The following CCDC39 variants were observed in gnomAD, a reference collection of about 807,000 sequenced individuals.
CCDC39 encodes coiled-coil domain-containing protein 39.
Under a neutral mutation model 121.0 loss-of-function variants are expected in CCDC39, and 113 were observed. The observed-to-expected ratio is 0.93, with a 90% CI of 0.80 to 1.09. The LOEUF is 1.09. CCDC39 is among the 50% of genes least tolerant of loss of function. CCDC39 has a pLI of 0.00. For synonymous variants in CCDC39, 349 were observed against 352.2 expected, an observed-to-expected ratio of 0.99 and a Z score of 0.10; for missense variants, 1,063 against 1,074.7, an observed-to-expected ratio of 0.99 and a Z score of 0.15.
intron 4 of CCDC39, 47 bp downstream of exon 4, chr3:180,660,523 C>T (rs1711715902): frequency 6.8e-7 from 1 of 1,481,388 alleles, no homozygotes; most frequent in Admixed American, 2.1e-5. Flanking sequence ...GGTTGACATA[C>T]TACAGAGTTA....
At chr3:180,676,276 A>G (rs565057154) in intron 1 of CCDC39, among the ~76,000 whole-genome samples, 100 of 152,358 alleles carry the variant, frequency 6.6e-4, no homozygotes, top group African/African-American at 2.4e-3. Context: ...AGAATCTACA[A>G]AGAACTCAAA....
intron 6 of CCDC39, among the ~76,000 whole-genome samples, chr3:180,658,324 G>A (rs980760480): frequency 2.6e-5 from 4 of 151,308 alleles, no homozygotes; most frequent in African/African-American, 9.7e-5. Context: ...TGCCAGGCGC[G>A]GTGGCTCATG....
chr3:180,677,819 T>G (rs944389246), intron 1 of CCDC39, among the ~76,000 whole-genome samples: 2 of 152,156 alleles, frequency 1.3e-5, no homozygotes, highest in Non-Finnish European at 2.9e-5. Context: ...CAGTGGACAC[T>G]TTGGAGAGGA....
chr3:180,649,047 T>C (rs1718139590), intron 9 of CCDC39, among the ~76,000 whole-genome samples: 2 of 152,202 alleles, frequency 1.3e-5, no homozygotes, highest in Admixed American at 6.5e-5. Flanking sequence ...ACTTTTTTTG[T>C]AAACGCTATT....
intron 13 of CCDC39, among the ~76,000 whole-genome samples, chr3:180,640,794 C>T (rs892163473): frequency 2.0e-5 from 3 of 151,898 alleles, no homozygotes; most frequent in African/African-American, 4.8e-5. Context: ...AAATGTTCCC[C>T]CATAGAAAAC....
At chr3:180,640,891 G>A (rs1256437018) in intron 13 of CCDC39, among the ~76,000 whole-genome samples, 2 of 151,916 alleles carry the variant, frequency 1.3e-5, no homozygotes, top group Non-Finnish European at 2.9e-5. Flanking sequence ...CATATTCAAT[G>A]TATAGAAAAA....
chr3:180,654,697 C>G, intron 7 of CCDC39, 65 bp downstream of exon 7: 17 of 968,424 alleles, frequency 1.8e-5, no homozygotes, highest in Non-Finnish European at 2.3e-5. Flanking sequence ...AAGCTTTATG[C>G]TTATTTTATA....
chr3:180,671,722 G>C (rs1040895259), intron 1 of CCDC39, among the ~76,000 whole-genome samples: 1 of 152,090 alleles, frequency 6.6e-6, no homozygotes, highest in Non-Finnish European at 1.5e-5. Context: ...CACCATTCCT[G>C]TAAGCCAAAG....
rs534383971 is a variant in CCDC39, at chr3:180,651,635, G to C, written c.1035-102C>G. Reference sequence around the variant, plus strand: ...AATATTTATTTGTATAACTTGAAGGGGTTTTTTGCGTAAACCTTTTTATTA... The same window carrying C: ...AATATTTATTTGTATAACTTGAAGGCGTTTTTTGCGTAAACCTTTTTATTA... On this transcript the variant is annotated intron_variant, in intron 8 of 19. Coordinates refer to ENST00000476379, the MANE Select transcript of CCDC39 (RefSeq NM_181426.2). 100 of 1,122,576 alleles carry C rather than the reference G, an allele frequency of 8.9e-5. No individual in the cohort carries two copies. The African/African-American group carries it at 1.4e-3, about 16-fold the overall frequency. The allele number at this position is 1,122,576 out of a possible 1,614,324, so 69.5% of individuals were successfully genotyped here. A position where few individuals can be genotyped will look rare whatever the true frequency, so the allele number is the denominator to read the frequency against.
chr3:180,659,191 C>A (rs994995534), intron 6 of CCDC39, among the ~76,000 whole-genome samples: 1 of 152,186 alleles, frequency 6.6e-6, no homozygotes, highest in Non-Finnish European at 1.5e-5. Flanking sequence ...ATTGCCAGAA[C>A]AGTATCTACT....
chr3:180,652,410 A>G (rs1208469562), intron 7 of CCDC39, 144 bp from the exon 8 acceptor site: 2 of 494,176 alleles, frequency 4.0e-6, no homozygotes, highest in South Asian at 3.6e-5. Flanking sequence ...TATTTAATAT[A>G]TAAACAGATT....
In CCDC39 at chr3:180,679,178, A is replaced by C; in HGVS notation, c.90+113T>G. 2 of 810,146 alleles carry C rather than the reference A, an allele frequency of 2.5e-6. No homozygotes were observed. The allele number at this position is 810,146 out of a possible 1,614,324, so 50.2% of individuals were successfully genotyped here. Reference sequence around the variant, plus strand: ...CGATGGTGCGGGGGAGTGTTAGAGGAAGCACAGGATTAGGAAAGGAGAGAA... The same window carrying C: ...CGATGGTGCGGGGGAGTGTTAGAGGCAGCACAGGATTAGGAAAGGAGAGAA... On this transcript the variant is annotated intron_variant, in intron 1 of 19. Coordinates refer to ENST00000476379, the MANE Select transcript of CCDC39 (RefSeq NM_181426.2). The surrounding 1 kb of genome is among the most constrained non-coding windows in gnomAD (Gnocchi z 4.0).
rs778294268 is a variant in CCDC39, at chr3:180,679,274, G to C, written c.90+17C>G. 4 of 1,606,940 alleles carry C rather than the reference G, an allele frequency of 2.5e-6. No individual in the cohort carries two copies. The highest frequency in any genetic ancestry group is 3.4e-6 in the Non-Finnish European group (4 of 1,173,504). ...AGGCTCTCTCTGCTTCCTCCCGCCT[G>C]CTTCAATTGATCTCACCTGATCTTC... On this transcript the variant is annotated intron_variant, in intron 1 of 19. Transcript: ENST00000476379. This position sits in a 1 kb window ranked among gnomAD's most constrained non-coding sequence, Gnocchi z 4.0.
intron 1 of CCDC39, among the ~76,000 whole-genome samples, chr3:180,675,591 C>A (rs1712173553): frequency 6.6e-6 from 1 of 152,144 alleles, no homozygotes; most frequent in South Asian, 2.1e-4. Flanking sequence ...AATTTTAGAT[C>A]TTTCCTGCTT....
chr3:180,675,158 G>T (rs1349853614), intron 1 of CCDC39, among the ~76,000 whole-genome samples: 1 of 152,056 alleles, frequency 6.6e-6, no homozygotes, highest in Non-Finnish European at 1.5e-5. Context: ...CAATTTCAGA[G>T]CCTGTTATTG....
At chr3:180,638,327 CT>C (rs1157729015) in intron 13 of CCDC39, among the ~76,000 whole-genome samples, 1 of 152,118 alleles carries the variant, frequency 6.6e-6, no homozygotes, top group Non-Finnish European at 1.5e-5. Flanking sequence ...TTACAATGTT[CT>C]GTCATTCAAG....
chr3:180,659,483 T>A lies in CCDC39; in HGVS notation c.707A>T (p.Lys236Met), dbSNP rs768797308. 1 of 1,613,564 alleles carries A rather than the reference T, an allele frequency of 6.2e-7. No individual in the cohort carries two copies. The highest frequency in any genetic ancestry group is 1.1e-5 in the South Asian group (1 of 91,076). ...ACAGTTATCTATGTCTCCATCCCTCTTCTGCATCTGTTCTATTGTGTTCTC... is the reference window on the plus strand; with the variant it reads ...ACAGTTATCTATGTCTCCATCCCTCATCTGCATCTGTTCTATTGTGTTCTC... ...QWENTIEQMQKRDGDIDNCAL... is the reference protein window; with the variant it reads ...QWENTIEQMQMRDGDIDNCAL... Residue 236 changes from lysine to methionine, a missense_variant, in exon 6 of 20, where the codon AAG becomes ATG. Lys to Met is a moderately conservative substitution (Grantham distance 95, BLOSUM62 -1). Transcript: ENST00000476379.
intron 15 of CCDC39, 53 bp from the exon 16 acceptor site, chr3:180,619,418 A>G: frequency 2.3e-6 from 2 of 866,724 alleles, no homozygotes; most frequent in Non-Finnish European, 3.6e-6. Context: ...AGTAGAAATC[A>G]ATTTTAAAGT....
At position 180,614,867 on chromosome 3, in the gene CCDC39, T is replaced by A; in HGVS notation, c.*54A>T. The A allele has an allele frequency of 6.7e-7, 1 of 1,483,870 alleles. No homozygotes were observed. The allele number at this position is 1,483,870 out of a possible 1,614,324, so 91.9% of individuals were successfully genotyped here. A position where few individuals can be genotyped will look rare whatever the true frequency, so the allele number is the denominator to read the frequency against. The stretch of plus-strand genomic sequence containing the variant: ...AAATGTGTTGGGTCGTTTTGTATTT[T>A]AAAGTATATTTTTGTTTTTGTGTTT... On this transcript the variant is annotated 3_prime_UTR_variant, in exon 20 of 20. Coordinates refer to ENST00000476379, the MANE Select transcript of CCDC39 (RefSeq NM_181426.2).
Sources: gnomAD v4.1 joint callset for allele counts (sites outside exome capture counted in the v4.1 genomes callset) on GRCh38, gnomAD v4.1.1 for gene constraint, Gnocchi (gnomAD v3.1) non-coding constraint, MANE v1.5 for transcripts, NCBI Gene and HGNC (gene_info 2026-07-23, HGNC 2026-07-21) for gene names.